NAPEPLD: variants seen among roughly 807,000 people sequenced by gnomAD.
NAPEPLD encodes the protein N-acyl-phosphatidylethanolamine-hydrolyzing phospholipase D.
In NAPEPLD, 23 loss-of-function variants were observed where a neutral mutation model predicts 38.1. The observed-to-expected ratio is 0.60, with a 90% confidence interval of 0.43 to 0.86. The LOEUF (loss-of-function observed/expected upper bound fraction) is 0.86. Ranked by LOEUF, NAPEPLD falls within the 40% of genes least tolerant of loss-of-function variation. The pLI, the probability that NAPEPLD is intolerant of heterozygous loss-of-function variation, is 0.00. For missense variants in NAPEPLD, 411 were observed against 476.8 expected, an observed-to-expected ratio of 0.86 and a Z score of 1.28; for synonymous variants, 147 against 162.0, an observed-to-expected ratio of 0.91 and a Z score of 0.71.
chr7:103,105,932 CAAAAAAAAAAAAA>C (rs1194781765), intron 4 of NAPEPLD, among the ~76,000 whole-genome samples: 1 of 49,970 alleles, frequency 2.0e-5, no homozygotes, highest in Non-Finnish European at 3.7e-5. Context: ...GACTCCGTCT[CAAAAAAAAAAAAA>C]AAAAAAAAAA....
intron 4 of NAPEPLD, among the ~76,000 whole-genome samples, chr7:103,104,344 C>G (rs1203203655): frequency 6.6e-6 from 1 of 152,176 alleles, no homozygotes; most frequent in Non-Finnish European, 1.5e-5. Context: ...AGACTGGATG[C>G]GATTCCCAAG....
intron 4 of NAPEPLD, among the ~76,000 whole-genome samples, chr7:103,105,366 T>A (rs963660304): frequency 2.0e-5 from 3 of 152,198 alleles, no homozygotes; most frequent in Non-Finnish European, 4.4e-5. Flanking sequence ...GGGGTCAGTT[T>A]CATGATATAC....
At chr7:103,144,391 T>C (rs1178949172) in intron 1 of NAPEPLD, among the ~76,000 whole-genome samples, 7 of 152,212 alleles carry the variant, frequency 4.6e-5, no homozygotes, top group Admixed American at 1.3e-4. Context: ...TAAATATAAT[T>C]GCCCCTTTAA....
chr7:103,130,385 C>G (rs573310514), intron 1 of NAPEPLD, among the ~76,000 whole-genome samples: 46 of 152,300 alleles, frequency 3.0e-4, no homozygotes, highest in Non-Finnish European at 5.9e-4. Flanking sequence ...TGGGAGAGCT[C>G]AAGAGTTAAG....
At position 103,148,886 on chromosome 7, in the gene NAPEPLD, TC is replaced by T; in HGVS notation, c.-93del. On this transcript the variant is annotated 5_prime_UTR_variant, in exon 1 of 5. Transcript: ENST00000465647. ...GATCTCAAATCCCAGACAGCTACTC[TC>T]CCAAAGAGAAAAAAAATAATGCTGT... is the stretch of plus-strand genomic sequence containing the variant. The T allele has an allele frequency of 6.1e-6, 6 of 985,030 alleles. No individual in the cohort carries two copies. The highest frequency in any genetic ancestry group is 7.2e-6 in the Non-Finnish European group (6 of 829,846). 61.0% of individuals were successfully genotyped at this position (985,030 alleles called of 1,614,324 possible). A position where few individuals can be genotyped will look rare whatever the true frequency, so the allele number is the denominator to read the frequency against.
chr7:103,129,801 A>C (rs1808547034), intron 1 of NAPEPLD, among the ~76,000 whole-genome samples: 1 of 152,110 alleles, frequency 6.6e-6, no homozygotes. Flanking sequence ...AGAGAACGTT[A>C]CTTCCCTCCT....
At chr7:103,108,407 C>A (rs1398288526) in intron 4 of NAPEPLD, among the ~76,000 whole-genome samples, 1 of 152,164 alleles carries the variant, frequency 6.6e-6, no homozygotes, top group Admixed American at 6.5e-5. Context: ...TCCAAAAGTG[C>A]TGGGATTACA....
intron 2 of NAPEPLD, 83 bp downstream of exon 2, chr7:103,128,400 C>G (rs1436977790): frequency 2.7e-6 from 4 of 1,486,168 alleles, no homozygotes; most frequent in Admixed American, 3.8e-5. Context: ...TAATTCTATG[C>G]CTTATGATAT....
chr7:103,130,700 A>G (rs994316820), intron 1 of NAPEPLD, among the ~76,000 whole-genome samples: 5 of 152,154 alleles, frequency 3.3e-5, no homozygotes, highest in Non-Finnish European at 7.4e-5. Flanking sequence ...GGCTCAGGGT[A>G]TTCTCCCACC....
At chr7:103,106,174 C>T (rs1803294175) in intron 4 of NAPEPLD, among the ~76,000 whole-genome samples, 1 of 152,032 alleles carries the variant, frequency 6.6e-6, no homozygotes, top group African/African-American at 2.4e-5. Flanking sequence ...CAAGGGAAGC[C>T]ATGAGAGACT....
rs10708983 is a variant in NAPEPLD at position 103,136,587 on chromosome 7, C to CA, written c.-16-7796dup. The stretch of plus-strand genomic sequence containing the variant: ...GGCGACAGAGCAAGACTCTGTCTCA[C>CA]AAAAAAAAAAAAAAAAAATGCAAAT... On this transcript the variant is annotated intron_variant, in intron 1 of 4. Coordinates refer to ENST00000465647, the MANE Select transcript of NAPEPLD (RefSeq NM_001122838.3). 9.3e-3 allele frequency among the ~76,000 whole-genome samples: 893 copies of CA among 96,122 alleles called. 17 individuals are homozygous for CA. The highest frequency in any genetic ancestry group is 0.03 in the African/African-American group (823 of 27,212). The allele number at this position is 96,122 out of a possible 152,430, so 63.1% of individuals were successfully genotyped here. A position where few individuals can be genotyped will look rare whatever the true frequency, so the allele number is the denominator to read the frequency against.
At chr7:103,109,827 C>T (rs1010964534) in intron 4 of NAPEPLD, among the ~76,000 whole-genome samples, 1 of 151,834 alleles carries the variant, frequency 6.6e-6, no homozygotes, top group African/African-American at 2.4e-5. Context: ...ATTAGCCAGA[C>T]TAATAAAGAA....
At chr7:103,112,601 CA>C (rs1431368351) in intron 4 of NAPEPLD, among the ~76,000 whole-genome samples, 1 of 151,576 alleles carries the variant, frequency 6.6e-6, no homozygotes, top group African/African-American at 2.4e-5. Flanking sequence ...TGGGGCCTGT[CA>C]GGGGGTGGGG....
chr7:103,138,631 G>T (rs1469899951), intron 1 of NAPEPLD, among the ~76,000 whole-genome samples: 1 of 152,084 alleles, frequency 6.6e-6, no homozygotes, highest in Non-Finnish European at 1.5e-5. Flanking sequence ...ACCACACCCA[G>T]CTAATTTTTT....
Position 103,148,830 on chromosome 7 carries a change from G to A in NAPEPLD, c.-36C>T, listed in dbSNP as rs1458591144. 3.0e-6 allele frequency: 3 copies of A among 985,372 alleles called. No individual in the cohort carries two copies. Among genetic ancestry groups the A allele is most frequent in the Non-Finnish European group, 3.6e-6 (3 of 829,932 alleles). 61.0% of individuals were successfully genotyped at this position (985,372 alleles called of 1,614,324 possible). A position where few individuals can be genotyped will look rare whatever the true frequency, so the allele number is the denominator to read the frequency against. ...ACCCACATGTATTCCTATCAGTGAA[G>A]ATGCAACCTGGTAATTTGCAGGGAA... On this transcript the variant is annotated 5_prime_UTR_variant, in exon 1 of 5. Transcript: ENST00000465647.
upstream of NAPEPLD, chr7:103,149,673 G>C: frequency 6.9e-6 from 2 of 289,818 alleles, no homozygotes; most frequent in Non-Finnish European, 1.3e-5. Context: ...CCCGCCTCGC[G>C]ACTCAAACAC....
At chr7:103,104,725 A>G (rs1802961465) in intron 4 of NAPEPLD, among the ~76,000 whole-genome samples, 1 of 152,234 alleles carries the variant, frequency 6.6e-6, no homozygotes, top group Admixed American at 6.5e-5. Context: ...TCTATTTTAT[A>G]TATAAAGAAA....
chr7:103,146,200 C>T (rs1406049566), intron 1 of NAPEPLD, among the ~76,000 whole-genome samples: 1 of 152,116 alleles, frequency 6.6e-6, no homozygotes, highest in Non-Finnish European at 1.5e-5. Context: ...CCAGTTTTAG[C>T]TGGGTGTGGT....
At chr7:103,128,431 A>G (rs774007067) in intron 2 of NAPEPLD, 52 bp downstream of exon 2, 48 of 1,582,550 alleles carry the variant, frequency 3.0e-5, no homozygotes, top group Non-Finnish European at 4.1e-5. Context: ...AAATAACTAG[A>G]GTGTCATATA....
Sources: allele counts gnomAD v4.1 joint callset (sites outside exome capture counted in the v4.1 genomes callset), GRCh38; gene constraint gnomAD v4.1.1; transcripts MANE v1.5; gene names NCBI Gene and HGNC (gene_info 2026-07-23, HGNC 2026-07-21).